ATAD5: variants seen among roughly 807,000 people sequenced by gnomAD.
ATAD5 encodes the protein ATPase family AAA domain containing 5, also known as ATPase family AAA domain-containing protein 5.
ATAD5 carries 58 observed loss-of-function variants against 176.9 expected under a neutral mutation model. The observed-to-expected ratio is 0.33, with a 90% CI of 0.27 to 0.41. The LOEUF (loss-of-function observed/expected upper bound fraction) is 0.41, where lower values mean the gene tolerates loss of function less well. Ranked by LOEUF, ATAD5 falls within the 10% of genes least tolerant of loss-of-function variation. ATAD5 has a pLI of 1.00. For synonymous variants in ATAD5, 640 were observed against 712.6 expected, an observed-to-expected ratio of 0.90 and a Z score of 1.62; for missense variants, 1,789 against 2,094.1, an observed-to-expected ratio of 0.85 and a Z score of 2.84.
chr17:30,854,367 A>T (rs1185442243), intron 6 of ATAD5, among the ~76,000 whole-genome samples: 1 of 83,438 alleles, frequency 1.2e-5, no homozygotes, highest in South Asian at 4.8e-4. Flanking sequence ...AAATTAATTT[A>T]AATTTTTTTT....
At chr17:30,881,990 T>TGTAATCCCACA (rs1255389961) in intron 18 of ATAD5, among the ~76,000 whole-genome samples, 1 of 152,060 alleles carries the variant, frequency 6.6e-6, no homozygotes, top group East Asian at 1.9e-4. Context: ...CCGGGCGCAG[T>TGTAATCCCACA]GGCTCACGCC....
At chr17:30,857,340 C>T (rs1161144589) in intron 8 of ATAD5, among the ~76,000 whole-genome samples, 4 of 151,928 alleles carry the variant, frequency 2.6e-5, no homozygotes, top group African/African-American at 7.3e-5. Context: ...CTCAGCCTCC[C>T]GAGTAGCTGG....
At position 30,858,259 on chromosome 17, in the gene ATAD5, T is replaced by C; in HGVS notation, c.2892T>C (p.Phe964=). Residue 964 remains phenylalanine, a synonymous_variant, in exon 9 of 23, where the codon TTT becomes TTC. Coordinates refer to ENST00000321990, the MANE Select transcript of ATAD5 (RefSeq NM_024857.5). ...SNPEFSLKKY[F]PLLLKKQIEH... ...CTGAATTTTCATTGAAAAAATATTT[T>C]CCCTTACTCCTAAAAAAACAAATTG... 1 of 1,595,244 alleles carries C rather than the reference T, an allele frequency of 6.3e-7. No individual in the cohort carries two copies. The highest frequency in any genetic ancestry group is 8.5e-7 in the Non-Finnish European group (1 of 1,170,782).
chr17:30,879,853 C>A (rs569380303), intron 18 of ATAD5, among the ~76,000 whole-genome samples: 1 of 151,878 alleles, frequency 6.6e-6, no homozygotes, highest in African/African-American at 2.4e-5. Context: ...TGAGCCACTG[C>A]GCCCGGTCCA....
At chr17:30,844,948 A>G (rs772054151) in intron 6 of ATAD5, 32 bp downstream of exon 6, 18 of 1,495,994 alleles carry the variant, frequency 1.2e-5, no homozygotes, top group Admixed American at 2.2e-5. Context: ...AAATGCCAAA[A>G]TATTTTATAG....
rs867975914 is a variant in ATAD5, at chr17:30,866,214, T to C, written c.3233+414T>C. 1.6e-4 allele frequency among the ~76,000 whole-genome samples: 19 copies of C among 118,200 alleles called. No homozygotes were observed. In the East Asian group the frequency reaches 2.1e-3, roughly 13 times the overall value. The allele number at this position is 118,200 out of a possible 152,430, so 77.5% of individuals were successfully genotyped here. ...TTTTTTTTTTTTTTTTTTTTTTTTT[T>C]CAAGACAGAGTCTCACTCTGTTGCC... On this transcript the variant is annotated intron_variant, in intron 11 of 22. Transcript: ENST00000321990.
At chr17:30,863,448 G>T (rs1402978654) in intron 10 of ATAD5, among the ~76,000 whole-genome samples, 1 of 150,426 alleles carries the variant, frequency 6.6e-6, no homozygotes, top group Admixed American at 6.7e-5. Context: ...CTCACTGCAA[G>T]CTCCGCCTCC....
intron 11 of ATAD5, among the ~76,000 whole-genome samples, chr17:30,866,131 A>G (rs1176340464): frequency 7.1e-6 from 1 of 141,836 alleles, no homozygotes; most frequent in East Asian, 2.1e-4. Context: ...ATGAAAGTTT[A>G]TTGACTTTAT....
chr17:30,851,759 T>C (rs185648609), intron 6 of ATAD5, among the ~76,000 whole-genome samples: 1 of 152,278 alleles, frequency 6.6e-6, no homozygotes, highest in East Asian at 1.9e-4. Context: ...ATTTTTGTAC[T>C]CTTAGTAGAG....
intron 4 of ATAD5, among the ~76,000 whole-genome samples, chr17:30,841,427 C>T (rs558464161): frequency 2.0e-5 from 3 of 152,236 alleles, no homozygotes; most frequent in Non-Finnish European, 2.9e-5. Flanking sequence ...GTGAGGAATT[C>T]CTACTTAAAC....
At chr17:30,848,002 G>A (rs1439014214) in intron 6 of ATAD5, among the ~76,000 whole-genome samples, 3 of 152,050 alleles carry the variant, frequency 2.0e-5, no homozygotes, top group Non-Finnish European at 2.9e-5. Flanking sequence ...TTACAAGCGC[G>A]AGCCACCGCG....
chr17:30,873,117 C>G (rs555136061), intron 14 of ATAD5, among the ~76,000 whole-genome samples: 2 of 152,110 alleles, frequency 1.3e-5, no homozygotes, highest in Admixed American at 6.6e-5. Context: ...TGACTAGAAG[C>G]AGAATCCCAT....
chr17:30,881,041 A>G (rs1301240490), intron 18 of ATAD5, among the ~76,000 whole-genome samples: 2 of 151,930 alleles, frequency 1.3e-5, no homozygotes, highest in African/African-American at 4.8e-5. Flanking sequence ...AACCTTTAAA[A>G]AGATAGTGTT....
In ATAD5 at chr17:30,834,137, T is replaced by G; in HGVS notation, c.67-11T>G. ...TTGAAATAAGTGCCTTTTTCTCTTT[T>G]AAATTGCCAGCCATGCAAAAAGCGA... On this transcript the variant is annotated splice_polypyrimidine_tract_variant and intron_variant, in intron 1 of 22. Coordinates refer to ENST00000321990, the MANE Select transcript of ATAD5 (RefSeq NM_024857.5). 6.5e-7 allele frequency: 1 copy of G among 1,528,316 alleles called. No homozygotes were observed. Among genetic ancestry groups the G allele is most frequent in the African/African-American group, 1.4e-5 (1 of 71,448 alleles). 94.7% of individuals were successfully genotyped at this position (1,528,316 alleles called of 1,614,324 possible).
At chr17:30,884,877 A>G (rs1866092925) in intron 18 of ATAD5, among the ~76,000 whole-genome samples, 1 of 150,548 alleles carries the variant, frequency 6.6e-6, no homozygotes, top group Non-Finnish European at 1.5e-5. Flanking sequence ...CCTCCCGAGT[A>G]GCTGGGACTA....
chr17:30,832,087 G>A lies in ATAD5; in HGVS notation c.-261G>A. On this transcript the variant is annotated 5_prime_UTR_variant, in exon 1 of 23. Transcript: ENST00000321990. ...GCGCTCAGCCTGAAGCGCCGCTTTC[G>A]AGGGCACCCTGCATACACTGGCCGC... 2.6e-6 allele frequency: 1 copy of A among 385,110 alleles called. No homozygotes were observed. Among genetic ancestry groups the A allele is most frequent in the Non-Finnish European group, 4.6e-6 (1 of 217,808 alleles). The allele number at this position is 385,110 out of a possible 1,614,324, so 23.9% of individuals were successfully genotyped here.
chr17:30,878,725 T>TGTTTTTTG (rs1555559791), intron 17 of ATAD5, among the ~76,000 whole-genome samples: 4 of 92,124 alleles, frequency 4.3e-5, no homozygotes, highest in African/African-American at 1.6e-4. Flanking sequence ...GGTGTTTTTT[T>TGTTTTTTG]TTTTTTTTTT....
intron 19 of ATAD5, among the ~76,000 whole-genome samples, chr17:30,890,436 T>TC (rs1203356104): frequency 3.9e-4 from 57 of 147,868 alleles, no homozygotes; most frequent in Non-Finnish European, 6.5e-4. Context: ...TTTTTTTTTT[T>TC]TTTGAGATGG....
intron 14 of ATAD5, among the ~76,000 whole-genome samples, chr17:30,874,625 A>G (rs997741993): frequency 6.8e-6 from 1 of 146,212 alleles, no homozygotes; most frequent in African/African-American, 2.5e-5. Context: ...TTATTTATTT[A>G]TTTATTTATT....
Sources: allele counts gnomAD v4.1 joint callset (sites outside exome capture counted in the v4.1 genomes callset), GRCh38; gene constraint gnomAD v4.1.1; transcripts MANE v1.5; gene names NCBI Gene and HGNC (gene_info 2026-07-23, HGNC 2026-07-21).